KCNMA1: variants seen among roughly 807,000 people sequenced by gnomAD.
KCNMA1 encodes the protein potassium calcium-activated channel subfamily M alpha 1, also known as Calcium-activated potassium channel subunit alpha-1.
KCNMA1 carries 29 observed loss-of-function variants against 140.0 expected under a neutral mutation model. That is an observed-to-expected ratio of 0.21 (90% CI 0.15 to 0.28). KCNMA1 has a LOEUF of 0.28. Ranked by LOEUF, KCNMA1 falls within the 10% of genes least tolerant of loss-of-function variation. The probability of loss-of-function intolerance (pLI) is 1.00; values close to 1 mark genes in which losing one functional copy is unlikely to be tolerated. For missense variants in KCNMA1, 880 were observed against 1,602.2 expected, an observed-to-expected ratio of 0.55 and a Z score of 7.70; for synonymous variants, 612 against 611.9, an observed-to-expected ratio of 1.00 and a Z score of 0.00.
intron 5 of KCNMA1, among the ~76,000 whole-genome samples, chr10:77,142,600 G>T (rs2154026289): frequency 6.6e-6 from 1 of 152,106 alleles, no homozygotes; most frequent in African/African-American, 2.4e-5. Context: ...AATTTTTTTA[G>T]GCCGAGGGAA....
chr10:77,120,923 A>C (rs759028133), intron 6 of KCNMA1, 50 bp downstream of exon 6: 1 of 1,016,470 alleles, frequency 9.8e-7, no homozygotes, highest in Non-Finnish European at 1.6e-6. Flanking sequence ...GATATTTGCA[A>C]CTTGGCATAG....
intron 25 of KCNMA1, chr10:76,901,883 T>G (rs2045592834): frequency 6.6e-6 from 1 of 152,284 alleles, no homozygotes; most frequent in African/African-American, 2.4e-5. Context: ...CAGATGCTTT[T>G]GCTCCTGTTT....
At chr10:76,888,540 A>G (rs955549275) in intron 27 of KCNMA1, among the ~76,000 whole-genome samples, 1 of 152,180 alleles carries the variant, frequency 6.6e-6, no homozygotes, top group African/African-American at 2.4e-5. Flanking sequence ...AGGGTATATT[A>G]TGCAAACTCA....
intron 1 of KCNMA1, among the ~76,000 whole-genome samples, chr10:77,584,880 G>A (rs552622739): frequency 2.0e-5 from 3 of 152,274 alleles, no homozygotes; most frequent in East Asian, 3.9e-4. Flanking sequence ...TCCACAGCAC[G>A]CTGTTCCAGC....
intron 5 of KCNMA1, among the ~76,000 whole-genome samples, chr10:77,146,349 C>A (rs1485686660): frequency 6.6e-6 from 1 of 152,096 alleles, no homozygotes; most frequent in Non-Finnish European, 1.5e-5. Context: ...GCTCCTGATG[C>A]ACTGAGAGAC....
At chr10:77,342,082 C>A (rs954881870) in intron 2 of KCNMA1, among the ~76,000 whole-genome samples, 5 of 152,156 alleles carry the variant, frequency 3.3e-5, no homozygotes, top group Non-Finnish European at 5.9e-5. Flanking sequence ...CTACTGACAT[C>A]CTTGCAGCTG....
intron 1 of KCNMA1, among the ~76,000 whole-genome samples, chr10:77,576,254 C>T (rs1296955636): frequency 6.6e-6 from 1 of 152,192 alleles, no homozygotes; most frequent in Non-Finnish European, 1.5e-5. Flanking sequence ...GCAACTCGCC[C>T]TTCCCTAACA....
intron 1 of KCNMA1, among the ~76,000 whole-genome samples, chr10:77,522,069 G>A (rs1480846455): frequency 6.6e-6 from 1 of 152,104 alleles, no homozygotes; most frequent in Non-Finnish European, 1.5e-5. Context: ...CAGCTGCTCA[G>A]GAGGCTGAGG....
intron 1 of KCNMA1, among the ~76,000 whole-genome samples, chr10:77,466,164 C>T (rs1180101889): frequency 1.3e-5 from 2 of 152,278 alleles, no homozygotes; most frequent in Non-Finnish European, 1.5e-5. Flanking sequence ...CCTCACTCCT[C>T]GATCCTCAGT....
chr10:76,912,943 GTT>G (rs1048280576), intron 24 of KCNMA1: 9 of 152,162 alleles, frequency 5.9e-5, no homozygotes, highest in African/African-American at 2.2e-4. Flanking sequence ...CCCTCCTATG[GTT>G]GGAAACAGAA....
At chr10:77,254,117 A>G (rs1390320109) in intron 2 of KCNMA1, among the ~76,000 whole-genome samples, 2 of 152,074 alleles carry the variant, frequency 1.3e-5, no homozygotes, top group East Asian at 1.9e-4. Flanking sequence ...TGGTAATGGT[A>G]TTATTATAGA....
intron 1 of KCNMA1, among the ~76,000 whole-genome samples, chr10:77,416,447 C>T (rs1039757940): frequency 6.6e-6 from 1 of 152,214 alleles, no homozygotes; most frequent in South Asian, 2.1e-4. Context: ...GGAAATACTA[C>T]AAGTGTTACC....
At chr10:76,916,761 A>T (rs2053097454) in intron 23 of KCNMA1, among the ~76,000 whole-genome samples, 1 of 152,220 alleles carries the variant, frequency 6.6e-6, no homozygotes, top group Non-Finnish European at 1.5e-5. Flanking sequence ...GCTAGGTGTG[A>T]GTCAGGAATG....
chr10:77,007,643 T>TTG lies in KCNMA1; in HGVS notation c.2092+4322_2092+4323dup, dbSNP rs148322931. ...ATACTCTGATACATCATGGTACATA[T>TTG]TGTGTGTGTGTATATATATATATAT... On this transcript the variant is annotated intron_variant, in intron 18 of 27. Transcript: ENST00000286628. 3.8e-4 allele frequency among the ~76,000 whole-genome samples: 30 copies of TTG among 79,492 alleles called. 1 individual carries two copies. Among genetic ancestry groups the TTG allele is most frequent in the African/African-American group, 1.0e-3 (21 of 20,808 alleles). The allele number at this position is 79,492 out of a possible 152,430, so 52.1% of individuals were successfully genotyped here. A position where few individuals can be genotyped will look rare whatever the true frequency, so the allele number is the denominator to read the frequency against.
intron 5 of KCNMA1, among the ~76,000 whole-genome samples, chr10:77,136,697 T>A (rs535406562): frequency 5.9e-5 from 9 of 152,086 alleles, no homozygotes; most frequent in Non-Finnish European, 1.3e-4. Context: ...AAGCATAAAA[T>A]GATGACAGTG....
intron 1 of KCNMA1, among the ~76,000 whole-genome samples, chr10:77,607,282 C>G (rs541222994): frequency 6.6e-6 from 1 of 152,114 alleles, no homozygotes; most frequent in Non-Finnish European, 1.5e-5. Flanking sequence ...CGGACTAGAC[C>G]GATCTTCCTA....
At chr10:77,217,780 A>C (rs2048288227) in intron 3 of KCNMA1, among the ~76,000 whole-genome samples, 1 of 152,082 alleles carries the variant, frequency 6.6e-6, no homozygotes, top group Admixed American at 6.5e-5. Flanking sequence ...TAATCAGAAA[A>C]ATTTATTTGT....
chr10:77,505,496 G>T (rs921072661), intron 1 of KCNMA1, among the ~76,000 whole-genome samples: 1 of 152,202 alleles, frequency 6.6e-6, no homozygotes, highest in African/African-American at 2.4e-5. Context: ...AGCTTTGGTT[G>T]GGGGGAAGCT....
intron 2 of KCNMA1, among the ~76,000 whole-genome samples, chr10:77,333,427 A>C (rs1237744072): frequency 6.6e-6 from 1 of 151,278 alleles, no homozygotes; most frequent in African/African-American, 2.4e-5. Flanking sequence ...AAAGAAAGAG[A>C]AGAAAAGAAA....
Sources: gnomAD v4.1 joint callset for allele counts (sites outside exome capture counted in the v4.1 genomes callset) on GRCh38, gnomAD v4.1.1 for gene constraint, MANE v1.5 for transcripts, NCBI Gene and HGNC (gene_info 2026-07-23, HGNC 2026-07-21) for gene names.